CLYBL: variants seen among roughly 807,000 people sequenced by gnomAD.
The protein encoded by CLYBL is citramalyl-CoA lyase.
In CLYBL, 31 loss-of-function variants were observed where a neutral mutation model predicts 38.9. The observed-to-expected ratio is 0.80, with a 90% CI of 0.60 to 1.08. The LOEUF (loss-of-function observed/expected upper bound fraction) is 1.08, where lower values mean the gene tolerates loss of function less well. Among genes scored for constraint, CLYBL ranks in the 50% least tolerant of loss-of-function variants. CLYBL has a pLI of 0.00. For missense variants in CLYBL, 434 were observed against 411.6 expected, an observed-to-expected ratio of 1.05 and a Z score of -0.47; for synonymous variants, 171 against 158.6, an observed-to-expected ratio of 1.08 and a Z score of -0.59.
rs542468809 is a variant in CLYBL at position 99,851,728 on chromosome 13, C to T, written c.250-7133C>T. Among the ~76,000 whole-genome samples the T allele has an allele frequency of 2.6e-5, 4 of 152,302 alleles. No individual in the cohort carries two copies. The South Asian group carries it at 8.3e-4, about 32-fold the overall frequency. On this transcript the variant is annotated intron_variant, in intron 2 of 8. Coordinates refer to ENST00000339105, the MANE Select transcript of CLYBL (RefSeq NM_206808.5). The stretch of plus-strand genomic sequence containing the variant: ...GGAGCAGTTGGAAAGGAACCCTCAA[C>T]ACACAGCTGGCAGGAGCAGAAACTG...
At chr13:99,884,985 G>C (rs1266798555) in intron 7 of CLYBL, 2 of 482,430 alleles carry the variant, frequency 4.1e-6, no homozygotes, top group Non-Finnish European at 8.6e-6. Context: ...AGGTAGGTCG[G>C]TATTGCTGCT....
intron 1 of CLYBL, among the ~76,000 whole-genome samples, chr13:99,610,100 G>A (rs1037531921): frequency 1.3e-5 from 2 of 152,140 alleles, no homozygotes; most frequent in Non-Finnish European, 2.9e-5. Flanking sequence ...ACAGAGTCTT[G>A]CAGTGTTGCC....
chr13:99,802,874 C>T (rs2050162297), intron 2 of CLYBL, among the ~76,000 whole-genome samples: 1 of 152,208 alleles, frequency 6.6e-6, no homozygotes, highest in African/African-American at 2.4e-5. Flanking sequence ...TGTTCTGTAA[C>T]ATGCATCAAA....
At chr13:99,611,253 C>G (rs1422825497) in intron 1 of CLYBL, among the ~76,000 whole-genome samples, 1 of 152,164 alleles carries the variant, frequency 6.6e-6, no homozygotes, top group Admixed American at 6.5e-5. Flanking sequence ...AAAGTTTATT[C>G]TGACAATTTT....
chr13:99,763,139 C>G (rs898307930), intron 1 of CLYBL, among the ~76,000 whole-genome samples: 1 of 152,114 alleles, frequency 6.6e-6, no homozygotes, highest in Non-Finnish European at 1.5e-5. Context: ...TTCTTCTTTT[C>G]CAGTTTGGAT....
At chr13:99,756,404 T>C (rs1029337288) in intron 1 of CLYBL, among the ~76,000 whole-genome samples, 2 of 152,190 alleles carry the variant, frequency 1.3e-5, no homozygotes, top group Non-Finnish European at 2.9e-5. Context: ...TTGGAGTCTT[T>C]CTGGTAGCTT....
chr13:99,665,792 G>A (rs2047472455), intron 1 of CLYBL, among the ~76,000 whole-genome samples: 1 of 152,140 alleles, frequency 6.6e-6, no homozygotes, highest in Non-Finnish European at 1.5e-5. Context: ...ACGTCAAAAT[G>A]GTCAAACTGT....
intron 1 of CLYBL, among the ~76,000 whole-genome samples, chr13:99,731,212 A>G (rs2048584360): frequency 6.6e-6 from 1 of 152,096 alleles, no homozygotes; most frequent in African/African-American, 2.4e-5. Flanking sequence ...AAACATGGAC[A>G]GAAAAGTTGT....
intron 7 of CLYBL, among the ~76,000 whole-genome samples, chr13:99,880,620 C>T (rs1466094922): frequency 1.3e-5 from 2 of 152,204 alleles, no homozygotes; most frequent in Non-Finnish European, 2.9e-5. Flanking sequence ...AGCTTCATTC[C>T]CCTTCATTGC....
chr13:99,908,466 C>T (rs935515935), exon 10 of CLYBL, among the ~76,000 whole-genome samples: 1 of 152,188 alleles, frequency 6.6e-6, no homozygotes, highest in Non-Finnish European at 1.5e-5. Flanking sequence ...GAAGCAGCCC[C>T]GCCTCGCAGT....
chr13:99,700,636 G>A (rs148521652), intron 1 of CLYBL, among the ~76,000 whole-genome samples: 2 of 152,278 alleles, frequency 1.3e-5, no homozygotes, highest in African/African-American at 4.8e-5. Context: ...CAGCAGCTGA[G>A]GGGCCCCGAA....
intron 1 of CLYBL, 60 bp from the exon 2 acceptor site, chr13:99,772,764 T>A: frequency 7.5e-7 from 1 of 1,341,996 alleles, no homozygotes; most frequent in East Asian, 2.4e-5. Context: ...ATATAGTTTT[T>A]CACAAGTTTA....
chr13:99,829,417 T>C (rs2050761526), intron 2 of CLYBL, among the ~76,000 whole-genome samples: 1 of 152,220 alleles, frequency 6.6e-6, no homozygotes, highest in South Asian at 2.1e-4. Flanking sequence ...GGCTTTTTTC[T>C]CACTGTGTCA....
intron 3 of CLYBL, among the ~76,000 whole-genome samples, chr13:99,859,299 C>T (rs2051541433): frequency 6.6e-6 from 1 of 152,170 alleles, no homozygotes; most frequent in Non-Finnish European, 1.5e-5. Context: ...GTGGTTTGGC[C>T]AGAACAGCCT....
rs186877043 is a variant in CLYBL, at chr13:99,902,235, A to G, written c.*25-3035A>G. ...AAGGTAACAACAAATGATTAGTATAAAAACAGATATTTTCAAATTATGAGA... is the reference window on the plus strand; with the variant it reads ...AAGGTAACAACAAATGATTAGTATAGAAACAGATATTTTCAAATTATGAGA... On this transcript the variant is annotated intron_variant and NMD_transcript_variant, in intron 8 of 9. Transcript: ENST00000689673. Among the ~76,000 whole-genome samples, 519 of 152,332 alleles carry G rather than the reference A, an allele frequency of 3.4e-3. 5 individuals carry two copies. The highest frequency in any genetic ancestry group is 3.7e-3 in the Non-Finnish European group (255 of 68,030).
At chr13:99,635,894 C>T (rs923493983) in intron 1 of CLYBL, among the ~76,000 whole-genome samples, 1 of 152,156 alleles carries the variant, frequency 6.6e-6, no homozygotes, top group Non-Finnish European at 1.5e-5. Context: ...ATATAAAGTG[C>T]TTGGTGTGGT....
At position 99,772,970 on chromosome 13, in the gene CLYBL, C is replaced by A. The variant is rs1297133605; in HGVS notation, c.209C>A (p.Ala70Glu). The stretch of plus-strand genomic sequence containing the variant: ...ATTCCATCCCTGAATGTAGATTGTG[C>A]AGTGCTCGACTGTGAGGATGGAGTG... The part of the protein sequence containing the change: ...KKIPSLNVDC[A>E]VLDCEDGVAA... Residue 70 changes from alanine to glutamate, a missense_variant, in exon 2 of 9, where the codon GCA (alanine) becomes GAA (glutamate). By Grantham distance (107) the Ala-to-Glu change is moderately radical. Coordinates refer to ENST00000339105, the MANE Select transcript of CLYBL (RefSeq NM_206808.5). 2.5e-6 allele frequency: 4 copies of A among 1,612,020 alleles called. No homozygotes were observed. The highest frequency in any genetic ancestry group is 3.4e-6 in the Non-Finnish European group (4 of 1,179,600).
intron 1 of CLYBL, among the ~76,000 whole-genome samples, chr13:99,670,737 C>T (rs1050102789): frequency 2.0e-5 from 3 of 152,194 alleles, no homozygotes; most frequent in Non-Finnish European, 4.4e-5. Context: ...CTTCCGTGGT[C>T]CTTTTCTACC....
At chr13:99,892,381 A>G (rs1188309285) in intron 8 of CLYBL, 62 bp from the exon 9 acceptor site, 1 of 152,654 alleles carries the variant, frequency 6.6e-6, no homozygotes, top group African/African-American at 2.4e-5. Context: ...GCTTGTAGTA[A>G]GGGTAAATAA....
Sources: allele counts gnomAD v4.1 joint callset (sites outside exome capture counted in the v4.1 genomes callset), GRCh38; gene constraint gnomAD v4.1.1; transcripts MANE v1.5; gene names NCBI Gene and HGNC (gene_info 2026-07-23, HGNC 2026-07-21).